Variants in PLEKHA7 observed in about 807,000 individuals in gnomAD.
PLEKHA7 encodes pleckstrin homology domain containing A7, also known as pleckstrin homology domain-containing family A member 7.
A neutral mutation model predicts 170.0 loss-of-function variants in PLEKHA7; 104 were observed. That is an observed-to-expected ratio of 0.61 (90% CI 0.52 to 0.72). The LOEUF (loss-of-function observed/expected upper bound fraction) is 0.72, where lower values mean the gene tolerates loss of function less well. Ranked by LOEUF, PLEKHA7 falls within the 30% of genes least tolerant of loss-of-function variation. The pLI, the probability that PLEKHA7 is intolerant of heterozygous loss-of-function variation, is 0.00. For synonymous variants in PLEKHA7, 648 were observed against 660.8 expected (o/e 0.98, Z 0.30); for missense variants, 1,615 against 1,671.7 (o/e 0.97, Z 0.59).
At chr11:16,813,200 A>G in intron 12 of PLEKHA7, 34 bp from the exon 13 acceptor site, 1 of 1,584,086 alleles carries the variant, frequency 6.3e-7, no homozygotes, top group Non-Finnish European at 8.7e-7. Flanking sequence ...AAACACAGTT[A>G]TGAACACCAA....
At chr11:16,947,942 G>T (rs981984390) in intron 3 of PLEKHA7, among the ~76,000 whole-genome samples, 1 of 147,074 alleles carries the variant, frequency 6.8e-6, no homozygotes, top group Non-Finnish European at 1.5e-5. Flanking sequence ...AGAAAAAAAA[G>T]AAAAAAAGAA....
intron 3 of PLEKHA7, among the ~76,000 whole-genome samples, chr11:16,962,116 T>G (rs764357672): frequency 3.0e-4 from 46 of 152,318 alleles, no homozygotes; most frequent in South Asian, 4.1e-4. Flanking sequence ...GTGCTTCAGA[T>G]GAGGAGGCAG....
chr11:16,967,113 C>CT (rs1862421909), intron 3 of PLEKHA7, among the ~76,000 whole-genome samples: 1 of 152,204 alleles, frequency 6.6e-6, no homozygotes, highest in South Asian at 2.1e-4. Context: ...CATTCTAAGA[C>CT]ACACATGCTC....
At chr11:16,944,659 T>C (rs1331917174) in intron 3 of PLEKHA7, among the ~76,000 whole-genome samples, 1 of 152,168 alleles carries the variant, frequency 6.6e-6, no homozygotes, top group African/African-American at 2.4e-5. Context: ...TCTTTCTATG[T>C]ATGTGAGGTA....
At chr11:17,014,258 G>GGCCCCC in intron 1 of PLEKHA7, 57 bp from the exon 2 acceptor site, 1 of 1,262,464 alleles carries the variant, frequency 7.9e-7, no homozygotes, top group Non-Finnish European at 1.0e-6. Flanking sequence ...GTGCCCGCCC[G>GGCCCCC]GCCCCCGCCC....
At chr11:16,871,027 G>C in intron 4 of PLEKHA7, 72 bp downstream of exon 4, 1 of 1,245,036 alleles carries the variant, frequency 8.0e-7, no homozygotes, top group African/African-American at 1.5e-5. Context: ...AGTCCAGTAA[G>C]TTTTGTTTTC....
intron 3 of PLEKHA7, among the ~76,000 whole-genome samples, chr11:16,947,426 A>C (rs890142822): frequency 3.9e-5 from 6 of 151,950 alleles, no homozygotes; most frequent in Admixed American, 6.6e-5. Flanking sequence ...CTCCGTCTCT[A>C]CTAAAAATAC....
chr11:16,906,224 T>TAGTAAGGA (rs1414502002), intron 3 of PLEKHA7, among the ~76,000 whole-genome samples: 2 of 116,222 alleles, frequency 1.7e-5, no homozygotes, highest in African/African-American at 7.6e-5. Context: ...TAAAATGAGG[T>TAGTAAGGA]AGGAAGGAAG....
chr11:16,890,264 G>T (rs1856524358), intron 3 of PLEKHA7, among the ~76,000 whole-genome samples: 3 of 152,108 alleles, frequency 2.0e-5, no homozygotes, highest in South Asian at 4.1e-4. Context: ...AAGCAATGAG[G>T]TAACAATATT....
chr11:16,956,356 T>C (rs952601612), intron 3 of PLEKHA7, among the ~76,000 whole-genome samples: 1 of 152,180 alleles, frequency 6.6e-6, no homozygotes. Context: ...TACCAGGCAC[T>C]AGCAAGTGCA....
intron 9 of PLEKHA7, among the ~76,000 whole-genome samples, chr11:16,828,667 A>C (rs1430227908): frequency 6.6e-6 from 1 of 152,132 alleles, no homozygotes; most frequent in Non-Finnish European, 1.5e-5. Flanking sequence ...CACTGTATCC[A>C]CTGCCCTTCT....
At chr11:16,788,653 G>A (rs1038750448) in intron 23 of PLEKHA7, 1 of 226,396 alleles carries the variant, frequency 4.4e-6, no homozygotes, top group Non-Finnish European at 8.9e-6. Flanking sequence ...TGGGGCAGGG[G>A]TGTGACCCCG....
intron 3 of PLEKHA7, among the ~76,000 whole-genome samples, chr11:16,910,963 G>C (rs1014930057): frequency 6.6e-6 from 1 of 152,158 alleles, no homozygotes. Flanking sequence ...CACATTTCCC[G>C]ACTGTAAAGC....
At chr11:16,896,725 T>A (rs1308933810) in intron 3 of PLEKHA7, among the ~76,000 whole-genome samples, 1 of 152,210 alleles carries the variant, frequency 6.6e-6, no homozygotes, top group African/African-American at 2.4e-5. Context: ...TCCCATTACC[T>A]TCTGGAAAAA....
At position 16,778,797 on chromosome 11, in the gene PLEKHA7, G is replaced by A. The variant is rs1848815855; in HGVS notation, c.*201C>T. ...TCAAAAGTGCCTTTGCCATTCATAT[G>A]TAGAGAGGAGTCTGAGCTAAACTAG... On this transcript the variant is annotated 3_prime_UTR_variant, in exon 27 of 27. Transcript: ENST00000531066. The A allele has an allele frequency of 3.3e-6, 2 of 609,722 alleles. No homozygotes were observed. The highest frequency in any genetic ancestry group is 2.7e-5 in the Admixed American group (1 of 36,880). 37.8% of individuals were successfully genotyped at this position (609,722 alleles called of 1,614,324 possible). A position where few individuals can be genotyped will look rare whatever the true frequency, so the allele number is the denominator to read the frequency against.
chr11:16,949,034 C>A (rs1056519548), intron 3 of PLEKHA7, among the ~76,000 whole-genome samples: 1 of 152,146 alleles, frequency 6.6e-6, no homozygotes, highest in African/African-American at 2.4e-5. Context: ...CAACCCAGAC[C>A]CCTTGTCACT....
chr11:16,839,094 G>T (rs956850243), intron 9 of PLEKHA7, among the ~76,000 whole-genome samples: 1 of 152,020 alleles, frequency 6.6e-6, no homozygotes, highest in African/African-American at 2.4e-5. Context: ...CTTGTAGAAG[G>T]TTAATACAAA....
intron 3 of PLEKHA7, among the ~76,000 whole-genome samples, chr11:16,994,342 C>A (rs1035793767): frequency 3.9e-5 from 6 of 152,296 alleles, no homozygotes; most frequent in Admixed American, 2.6e-4. Context: ...ACTAGGTCCC[C>A]CAGGGACACT....
intron 9 of PLEKHA7, among the ~76,000 whole-genome samples, chr11:16,838,070 A>C (rs921999579): frequency 1.3e-5 from 2 of 152,234 alleles, no homozygotes; most frequent in Non-Finnish European, 2.9e-5. Flanking sequence ...ATAGCCTATC[A>C]TCAACCTCTG....
Sources: allele counts gnomAD v4.1 joint callset (sites outside exome capture counted in the v4.1 genomes callset), GRCh38; gene constraint gnomAD v4.1.1; transcripts MANE v1.5; gene names NCBI Gene and HGNC (gene_info 2026-07-23, HGNC 2026-07-21).